The following DNAJB6 variants were observed in gnomAD, a reference collection of about 807,000 sequenced individuals.
The protein encoded by DNAJB6 is dnaJ homolog subfamily B member 6.
A neutral mutation model predicts 42.7 loss-of-function variants in DNAJB6; 16 were observed. That is an observed-to-expected ratio of 0.37 (90% CI 0.25 to 0.57). DNAJB6 has a LOEUF of 0.57. Among genes scored for constraint, DNAJB6 ranks in the 20% least tolerant of loss-of-function variants. The pLI, the probability that DNAJB6 is intolerant of heterozygous loss-of-function variation, is 0.74. For missense variants in DNAJB6, 347 were observed against 416.8 expected (o/e 0.83, Z 1.46); for synonymous variants, 170 against 163.5 (o/e 1.04, Z -0.30).
At chr7:157,402,012 G>A (rs992845672) in intron 8 of DNAJB6, among the ~76,000 whole-genome samples, 2 of 152,214 alleles carry the variant, frequency 1.3e-5, no homozygotes, top group African/African-American at 4.8e-5. Context: ...CCCTGCGGTC[G>A]CTGTGACGGA....
intron 9 of DNAJB6, 152 bp from the exon 10 acceptor site, chr7:157,415,864 G>C (rs7799029): frequency 7.2e-7 from 1 of 1,393,530 alleles, no homozygotes; most frequent in Non-Finnish European, 9.8e-7. Flanking sequence ...CTTGGAAAGC[G>C]CCCGTTTTGA....
chr7:157,368,416 T>C (rs1799947142), intron 5 of DNAJB6, among the ~76,000 whole-genome samples: 1 of 152,164 alleles, frequency 6.6e-6, no homozygotes, highest in Non-Finnish European at 1.5e-5. Flanking sequence ...TCCGTAAACA[T>C]TGTGTGTGAG....
At chr7:157,355,217 G>A (rs1799209476) in intron 1 of DNAJB6, among the ~76,000 whole-genome samples, 1 of 152,182 alleles carries the variant, frequency 6.6e-6, no homozygotes, top group African/African-American at 2.4e-5. Context: ...GCAGTGGCGC[G>A]GGCGCGATCT....
At chr7:157,398,199 C>T (rs1428684930) in intron 8 of DNAJB6, among the ~76,000 whole-genome samples, 1 of 152,184 alleles carries the variant, frequency 6.6e-6, no homozygotes, top group African/African-American at 2.4e-5. Flanking sequence ...CCCTTGAGCT[C>T]CCTAGGAGTG....
chr7:157,388,645 G>C (rs975541069), intron 8 of DNAJB6, among the ~76,000 whole-genome samples: 2 of 150,276 alleles, frequency 1.3e-5, no homozygotes, highest in South Asian at 2.1e-4. Flanking sequence ...TTTTGGGGGG[G>C]GGGTAAGTGG....
At chr7:157,358,331 C>T (rs973138599) in intron 1 of DNAJB6, among the ~76,000 whole-genome samples, 4 of 152,136 alleles carry the variant, frequency 2.6e-5, no homozygotes, top group Non-Finnish European at 5.9e-5. Context: ...CTTTTTTCCC[C>T]GTCTCTAGAA....
chr7:157,357,085 G>T (rs1383026303), intron 1 of DNAJB6, among the ~76,000 whole-genome samples: 1 of 149,794 alleles, frequency 6.7e-6, no homozygotes, highest in Non-Finnish European at 1.5e-5. Context: ...GAATCCTTGA[G>T]CCCAGGAGTT....
At chr7:157,366,471 T>C (rs1799849732) in intron 3 of DNAJB6, 31 bp from the exon 4 acceptor site, 12 of 1,605,832 alleles carry the variant, frequency 7.5e-6, no homozygotes, top group Non-Finnish European at 1.0e-5. Context: ...AAAAGGAACT[T>C]GGCCTTACCG....
intron 3 of DNAJB6, among the ~76,000 whole-genome samples, chr7:157,366,147 C>T (rs1012975987): frequency 9.9e-5 from 15 of 152,116 alleles, no homozygotes; most frequent in Non-Finnish European, 2.2e-4. Context: ...GATGAGGTTT[C>T]ACCATATTGG....
In DNAJB6 at chr7:157,365,997, C is replaced by CTGGA. The variant is rs200515256; in HGVS notation, c.176-504_176-501dup. Among the ~76,000 whole-genome samples the CTGGA allele has an allele frequency of 6.5e-3, 980 of 151,928 alleles. 11 individuals carry two copies. The highest frequency in any genetic ancestry group is 0.022 in the African/African-American group (908 of 41,408). ...CCCGCGCCTACTCTTGTTGCCCAGG[C>CTGGA]TGGAGTGCAATGGCACGATCTTGGC... On this transcript the variant is annotated intron_variant, in intron 3 of 9. Coordinates refer to ENST00000262177, the MANE Select transcript of DNAJB6 (RefSeq NM_058246.4).
At chr7:157,402,697 C>A (rs563914279) in intron 8 of DNAJB6, among the ~76,000 whole-genome samples, 1 of 152,200 alleles carries the variant, frequency 6.6e-6, no homozygotes, top group African/African-American at 2.4e-5. Flanking sequence ...CAGGGGCCTA[C>A]GGTGCATGGG....
chr7:157,409,711 C>G (rs527823814), intron 8 of DNAJB6, 84 bp from the exon 9 acceptor site: 10 of 1,390,140 alleles, frequency 7.2e-6, no homozygotes, highest in Non-Finnish European at 9.5e-6. Context: ...GGAGATCGTG[C>G]GGCCAGCTTC....
intron 5 of DNAJB6, among the ~76,000 whole-genome samples, chr7:157,370,143 G>GATTATTAAACGGGCCCCTTCTTAACATT (rs1290408808): frequency 2.3e-5 from 2 of 88,590 alleles, no homozygotes; most frequent in Admixed American, 1.2e-4. Flanking sequence ...CCCTTCTTAA[G>GATTATTAAACGGGCCCCTTCTTAACATT]ATTATTAAAC....
At chr7:157,348,737 T>G (rs1230789755) in intron 1 of DNAJB6, among the ~76,000 whole-genome samples, 3 of 152,122 alleles carry the variant, frequency 2.0e-5, no homozygotes, top group African/African-American at 7.2e-5. Context: ...ATTCCTTAGT[T>G]GTAAAATTCT....
At chr7:157,345,219 C>T (rs1361360242) in intron 1 of DNAJB6, among the ~76,000 whole-genome samples, 2 of 151,978 alleles carry the variant, frequency 1.3e-5, no homozygotes, top group Admixed American at 6.6e-5. Flanking sequence ...GTCTTGAATT[C>T]CTGACCTCAG....
At chr7:157,412,215 T>A (rs556603224) in intron 9 of DNAJB6, 1 of 152,300 alleles carries the variant, frequency 6.6e-6, no homozygotes, top group Admixed American at 6.5e-5. Flanking sequence ...GAGACAGAAC[T>A]GGAGTGAAAT....
intron 5 of DNAJB6, chr7:157,381,493 C>CTTTT (rs1188943156): frequency 2.0e-5 from 3 of 152,092 alleles, no homozygotes; most frequent in Non-Finnish European, 4.4e-5. Context: ...GAAAACAAAA[C>CTTTT]GGTCAGTTCC....
intron 8 of DNAJB6, among the ~76,000 whole-genome samples, chr7:157,403,012 G>A (rs1020805199): frequency 6.6e-6 from 1 of 152,204 alleles, no homozygotes; most frequent in Non-Finnish European, 1.5e-5. Context: ...GACGACAGGT[G>A]CCCGAGGTGG....
chr7:157,371,243 G>A (rs887969590), intron 5 of DNAJB6, among the ~76,000 whole-genome samples: 1 of 152,222 alleles, frequency 6.6e-6, no homozygotes, highest in Non-Finnish European at 1.5e-5. Context: ...GACCGCTGTT[G>A]ACAAATCATA....
Sources: gnomAD v4.1 joint callset for allele counts (sites outside exome capture counted in the v4.1 genomes callset) on GRCh38, gnomAD v4.1.1 for gene constraint, MANE v1.5 for transcripts, NCBI Gene and HGNC (gene_info 2026-07-23, HGNC 2026-07-21) for gene names.